The following PTPRK variants were observed in gnomAD, a reference collection of about 807,000 sequenced individuals.
PTPRK encodes the protein receptor-type tyrosine-protein phosphatase kappa.
A neutral mutation model predicts 178.0 loss-of-function variants in PTPRK; 75 were observed. That is an observed-to-expected ratio of 0.42 (90% CI 0.35 to 0.51). The LOEUF is 0.51. Among genes scored for constraint, PTPRK ranks in the 20% least tolerant of loss-of-function variants. The pLI is 0.02. For missense variants in PTPRK, 1,441 were observed against 1,797.8 expected, an observed-to-expected ratio of 0.80 and a Z score of 3.59; for synonymous variants, 637 against 620.6, an observed-to-expected ratio of 1.03 and a Z score of -0.39.
chr6:128,504,914 G>C (rs35242805), intron 1 of PTPRK, among the ~76,000 whole-genome samples: 10,703 of 151,940 alleles, frequency 0.07, 772 homozygotes, highest in African/African-American at 0.19. Flanking sequence ...GTAGCAGTCT[G>C]CTTTCCAAAT....
At chr6:128,399,632 C>T (rs1234857158) in intron 1 of PTPRK, among the ~76,000 whole-genome samples, 1 of 152,170 alleles carries the variant, frequency 6.6e-6, no homozygotes, top group Non-Finnish European at 1.5e-5. Context: ...TGCTTTGTAA[C>T]ACAGGCCTTC....
intron 1 of PTPRK, among the ~76,000 whole-genome samples, chr6:128,423,518 A>T (rs1247429203): frequency 6.6e-6 from 1 of 152,028 alleles, no homozygotes; most frequent in Non-Finnish European, 1.5e-5. Flanking sequence ...ATTTCAATTT[A>T]TTTGAACTTT....
chr6:128,317,404 T>G (rs1454933996), intron 3 of PTPRK, among the ~76,000 whole-genome samples: 1 of 152,112 alleles, frequency 6.6e-6, no homozygotes, highest in Non-Finnish European at 1.5e-5. Flanking sequence ...ATCCACTGTC[T>G]TATAGCCCTG....
chr6:128,489,289 G>A (rs138244490), intron 1 of PTPRK, among the ~76,000 whole-genome samples: 1 of 152,232 alleles, frequency 6.6e-6, no homozygotes, highest in East Asian at 1.9e-4. Context: ...TAACAAATTG[G>A]CTTCATGATG....
chr6:128,240,750 T>C (rs1040385608), intron 4 of PTPRK, among the ~76,000 whole-genome samples: 5 of 152,186 alleles, frequency 3.3e-5, no homozygotes, highest in African/African-American at 9.6e-5. Flanking sequence ...ATTATAACCA[T>C]AGTATAGTAA....
At chr6:128,075,026 T>A (rs1399524166) in intron 11 of PTPRK, among the ~76,000 whole-genome samples, 5 of 152,058 alleles carry the variant, frequency 3.3e-5, no homozygotes, top group Admixed American at 3.3e-4. Context: ...TTCTGAGATG[T>A]CTTTTTGCTC....
At chr6:128,076,964 T>C (rs181407119) in intron 11 of PTPRK, among the ~76,000 whole-genome samples, 91 of 152,166 alleles carry the variant, frequency 6.0e-4, no homozygotes, top group African/African-American at 1.9e-3. Context: ...CAATCAATGT[T>C]TGTGGAAAAA....
intron 6 of PTPRK, among the ~76,000 whole-genome samples, chr6:128,195,074 T>C (rs2128253904): frequency 6.6e-6 from 1 of 152,178 alleles, no homozygotes; most frequent in African/African-American, 2.4e-5. Flanking sequence ...TATATATAGT[T>C]TAAAAAAATT....
At chr6:128,242,442 T>C (rs1814637450) in intron 4 of PTPRK, 79 bp downstream of exon 4, 2 of 1,543,324 alleles carry the variant, frequency 1.3e-6, no homozygotes, top group Non-Finnish European at 1.7e-6. Context: ...AACCAAGTGA[T>C]AAACAATCAA....
chr6:128,455,316 T>A (rs1196406691), intron 1 of PTPRK, among the ~76,000 whole-genome samples: 1 of 152,148 alleles, frequency 6.6e-6, no homozygotes, highest in Non-Finnish European at 1.5e-5. Context: ...TAAATTCTTA[T>A]CATTAAATAC....
chr6:128,249,144 C>T (rs909995150), intron 3 of PTPRK, among the ~76,000 whole-genome samples: 5 of 151,696 alleles, frequency 3.3e-5, no homozygotes, highest in Admixed American at 3.3e-4. Flanking sequence ...TGGTTGAAGT[C>T]TGGAGAAAAT....
At chr6:128,327,037 C>A (rs1350040142) in intron 2 of PTPRK, among the ~76,000 whole-genome samples, 1 of 150,682 alleles carries the variant, frequency 6.6e-6, no homozygotes, top group African/African-American at 2.4e-5. Flanking sequence ...CTTCTTATTC[C>A]AATTCATTAA....
chr6:128,026,403 T>C (rs1774308540), intron 13 of PTPRK, among the ~76,000 whole-genome samples: 1 of 152,164 alleles, frequency 6.6e-6, no homozygotes, highest in South Asian at 2.1e-4. Flanking sequence ...GCCAAAGGGT[T>C]GTATTTGAAA....
intron 7 of PTPRK, among the ~76,000 whole-genome samples, chr6:128,105,529 A>G (rs1278270324): frequency 1.3e-5 from 2 of 152,228 alleles, no homozygotes; most frequent in Admixed American, 1.3e-4. Context: ...GGTGTTACGA[A>G]ATCTAAAGGC....
intron 6 of PTPRK, among the ~76,000 whole-genome samples, 156 bp downstream of exon 6, chr6:128,218,766 C>T (rs1029586572): frequency 9.2e-5 from 14 of 152,158 alleles, no homozygotes; most frequent in Non-Finnish European, 1.9e-4. Flanking sequence ...TTAATTTCAC[C>T]TTCACACATT....
chr6:127,991,497 G>T (rs1398177261), intron 19 of PTPRK, 106 bp from the exon 20 acceptor site: 2 of 703,670 alleles, frequency 2.8e-6, no homozygotes, highest in Non-Finnish European at 2.1e-6. Flanking sequence ...TCCAAAAAAG[G>T]TCTAACACAA....
intron 7 of PTPRK, among the ~76,000 whole-genome samples, chr6:128,096,051 G>A (rs921767874): frequency 2.0e-5 from 3 of 152,020 alleles, no homozygotes; most frequent in African/African-American, 7.2e-5. Flanking sequence ...AGTGAGAAAG[G>A]CTACATGAAA....
At chr6:128,083,447 T>C (rs548566288) in intron 9 of PTPRK, among the ~76,000 whole-genome samples, 4 of 152,178 alleles carry the variant, frequency 2.6e-5, no homozygotes, top group South Asian at 2.1e-4. Context: ...GTAAATCTGA[T>C]AATGACTATC....
intron 17 of PTPRK, 31 bp downstream of exon 17, chr6:127,996,870 T>G: frequency 6.3e-7 from 1 of 1,594,392 alleles, no homozygotes; most frequent in Non-Finnish European, 8.6e-7. Flanking sequence ...ATATAATATT[T>G]ACATTCACCA....
Sources: gnomAD v4.1 joint callset for allele counts (sites outside exome capture counted in the v4.1 genomes callset) on GRCh38, gnomAD v4.1.1 for gene constraint, MANE v1.5 for transcripts, NCBI Gene and HGNC (gene_info 2026-07-23, HGNC 2026-07-21) for gene names.